MYO1E: variants seen among roughly 807,000 people sequenced by gnomAD.
MYO1E encodes myosin IE.
A neutral mutation model predicts 151.1 loss-of-function variants in MYO1E; 68 were observed. The ratio of observed to expected loss-of-function variants is 0.45; its 90% CI spans 0.37 to 0.55. The LOEUF (loss-of-function observed/expected upper bound fraction) is 0.55. Ranked by LOEUF, MYO1E falls within the 20% of genes least tolerant of loss-of-function variation. The pLI is 0.00. For missense variants in MYO1E, 1,363 were observed against 1,389.3 expected, an observed-to-expected ratio of 0.98 and a Z score of 0.30; for synonymous variants, 601 against 501.7, an observed-to-expected ratio of 1.20 and a Z score of -2.64.
At chr15:59,283,681 C>T (rs765633916) in intron 1 of MYO1E, among the ~76,000 whole-genome samples, 1 of 152,190 alleles carries the variant, frequency 6.6e-6, no homozygotes, top group Non-Finnish European at 1.5e-5. Flanking sequence ...TTATCTAATC[C>T]TTACAACTTC....
chr15:59,184,032 G>A (rs1487777873), intron 18 of MYO1E, among the ~76,000 whole-genome samples: 4 of 152,010 alleles, frequency 2.6e-5, no homozygotes, highest in Admixed American at 6.5e-5. Context: ...TTTCTGAGAC[G>A]GAATCTCGTT....
At chr15:59,236,816 AC>A in intron 4 of MYO1E, 144 bp from the exon 5 acceptor site, 1 of 740,382 alleles carries the variant, frequency 1.4e-6, no homozygotes, top group Non-Finnish European at 2.3e-6. Context: ...TAAGTACAAT[AC>A]CAGTAGAGAA....
intron 12 of MYO1E, among the ~76,000 whole-genome samples, chr15:59,211,206 A>C (rs1199448542): frequency 6.6e-6 from 1 of 152,046 alleles, no homozygotes; most frequent in Non-Finnish European, 1.5e-5. Flanking sequence ...ACTCAAAAAA[A>C]AAAAAAAAAA....
chr15:59,284,510 C>T (rs983291439), intron 1 of MYO1E, among the ~76,000 whole-genome samples: 6 of 151,680 alleles, frequency 4.0e-5, no homozygotes, highest in Non-Finnish European at 5.9e-5. Flanking sequence ...AGTGCTGTGG[C>T]GCAAACATAG....
Position 59,208,735 on chromosome 15 carries a change from A to G in MYO1E, c.1476T>C (p.His492=). Residue 492 remains histidine (H), a synonymous_variant, in exon 14 of 28, where the codon CAT becomes CAC. Coordinates refer to ENST00000288235, the MANE Select transcript of MYO1E (RefSeq NM_004998.4). ...CTTGGTTCCAACTGTTGAAGTGCTCATGACTCCCAATCTGCATCTGAAGTT... is the reference window on the plus strand; with the variant it reads ...CTTGGTTCCAACTGTTGAAGTGCTCGTGACTCCCAATCTGCATCTGAAGTT... ...LQKLQMQIGS[H]EHFNSWNQGF... The G allele has an allele frequency of 1.2e-6, 2 of 1,614,214 alleles. No homozygotes were observed. The highest frequency in any genetic ancestry group is 1.7e-6 in the Non-Finnish European group (2 of 1,180,034).
intron 19 of MYO1E, 87 bp downstream of exon 19, chr15:59,178,306 G>A: frequency 2.6e-6 from 4 of 1,512,740 alleles, no homozygotes; most frequent in South Asian, 1.2e-5. Context: ...AGCGAAGAAT[G>A]AGAAAAAGAA....
At chr15:59,295,723 G>A (rs1487177063) in intron 1 of MYO1E, among the ~76,000 whole-genome samples, 5 of 152,144 alleles carry the variant, frequency 3.3e-5, no homozygotes, top group Non-Finnish European at 7.3e-5. Context: ...TAATTATCTC[G>A]GTGTTACAGC....
chr15:59,265,801 A>T (rs2080249857), intron 2 of MYO1E, among the ~76,000 whole-genome samples: 1 of 150,138 alleles, frequency 6.7e-6, no homozygotes, highest in African/African-American at 2.4e-5. Flanking sequence ...TTAAAAAAAA[A>T]AAAAAAAAAA....
chr15:59,300,592 G>T (rs2140403296), intron 1 of MYO1E, among the ~76,000 whole-genome samples: 1 of 152,174 alleles, frequency 6.6e-6, no homozygotes, highest in South Asian at 2.1e-4. Flanking sequence ...CCTGGAAGTG[G>T]GCCACATGTT....
Position 59,137,195 on chromosome 15 carries a change from A to T in MYO1E, c.*185T>A. The stretch of plus-strand genomic sequence containing the variant: ...AAGAGGCTACCTTTTAGGATCACTT[A>T]TGGAGTGATACTCCCTGTCCCCAAC... On this transcript the variant is annotated 3_prime_UTR_variant, in exon 28 of 28. Coordinates refer to ENST00000288235, the MANE Select transcript of MYO1E (RefSeq NM_004998.4). 1 of 639,682 alleles carries T rather than the reference A, an allele frequency of 1.6e-6. No individual in the cohort carries two copies. The highest frequency in any genetic ancestry group is 1.8e-5 in the South Asian group (1 of 55,926). The allele number at this position is 639,682 out of a possible 1,614,324, so 39.6% of individuals were successfully genotyped here.
intron 2 of MYO1E, among the ~76,000 whole-genome samples, chr15:59,267,863 T>G (rs72746850): frequency 3.9e-5 from 6 of 152,192 alleles, no homozygotes; most frequent in Admixed American, 2.6e-4. Context: ...AACCTTGTCA[T>G]AGGACAAATA....
chr15:59,353,599 T>C (rs1166924616), intron 1 of MYO1E, among the ~76,000 whole-genome samples: 2 of 148,058 alleles, frequency 1.4e-5, no homozygotes, highest in Admixed American at 6.7e-5. Context: ...CTACTAAAAA[T>C]ACAAAAAAAT....
At chr15:59,213,014 C>T (rs1274209449) in intron 12 of MYO1E, among the ~76,000 whole-genome samples, 8 of 152,058 alleles carry the variant, frequency 5.3e-5, no homozygotes, top group African/African-American at 1.9e-4. Context: ...GGCTCCACAA[C>T]TGGGAGGGAA....
chr15:59,284,836 G>A (rs2080378063), intron 1 of MYO1E, among the ~76,000 whole-genome samples: 1 of 152,092 alleles, frequency 6.6e-6, no homozygotes, highest in Admixed American at 6.6e-5. Context: ...CATTAGTGAG[G>A]TAAGGACATT....
chr15:59,213,016 G>A (rs2079889334), intron 12 of MYO1E, among the ~76,000 whole-genome samples: 1 of 152,014 alleles, frequency 6.6e-6, no homozygotes, highest in South Asian at 2.1e-4. Flanking sequence ...CTCCACAACT[G>A]GGAGGGAAGA....
At chr15:59,348,207 G>A (rs1301754179) in intron 1 of MYO1E, among the ~76,000 whole-genome samples, 7 of 152,128 alleles carry the variant, frequency 4.6e-5, no homozygotes, top group African/African-American at 7.2e-5. Context: ...AAACCCCCCA[G>A]GTGCTAGTCA....
chr15:59,134,084 C>T lies in MYO1E; in HGVS notation c.*3296G>A, dbSNP rs1390535688. On this transcript the variant is annotated 3_prime_UTR_variant, in exon 28 of 28. Transcript: ENST00000288235. ...GACAGCTCTGTGCAGAGACCTCCAGCCCCCTTGAGTTGAGGCCACATGACT... is the reference window on the plus strand; with the variant it reads ...GACAGCTCTGTGCAGAGACCTCCAGTCCCCTTGAGTTGAGGCCACATGACT... 2.6e-5 allele frequency: 4 copies of T among 152,300 alleles called. No homozygotes were observed. Among genetic ancestry groups the T allele is most frequent in the Non-Finnish European group, 2.9e-5 (2 of 68,110 alleles). 9.4% of individuals were successfully genotyped at this position (152,300 alleles called of 1,614,324 possible).
At chr15:59,177,018 T>C (rs755603533) in intron 19 of MYO1E, among the ~76,000 whole-genome samples, 6 of 152,224 alleles carry the variant, frequency 3.9e-5, no homozygotes, top group Admixed American at 3.9e-4. Context: ...TTACAAATAT[T>C]GAGGCTGTTT....
chr15:59,145,568 T>G (rs1042743480), intron 26 of MYO1E, among the ~76,000 whole-genome samples: 18 of 152,276 alleles, frequency 1.2e-4, no homozygotes, highest in Admixed American at 6.5e-4. Context: ...TCTTTTGTAT[T>G]TTTAGTAGAG....
Sources: allele counts gnomAD v4.1 joint callset (sites outside exome capture counted in the v4.1 genomes callset), GRCh38; gene constraint gnomAD v4.1.1; transcripts MANE v1.5; gene names NCBI Gene and HGNC (gene_info 2026-07-23, HGNC 2026-07-21).